LRRC37A3: variants seen among roughly 807,000 people sequenced by gnomAD.
LRRC37A3 encodes leucine-rich repeat-containing protein 37A3.
In LRRC37A3, 25 loss-of-function variants were observed where a neutral mutation model predicts 106.2. The observed-to-expected ratio is 0.24, with a 90% CI of 0.17 to 0.33. LRRC37A3 has a LOEUF of 0.33. LRRC37A3 is among the 10% of genes least tolerant of loss of function. The probability of loss-of-function intolerance (pLI) is 1.00; values close to 1 mark genes in which losing one functional copy is unlikely to be tolerated. For synonymous variants in LRRC37A3, 305 were observed against 635.8 expected (o/e 0.48, Z 7.83); for missense variants, 712 against 1,644.9 (o/e 0.43, Z 9.81).
chr17:64,865,922 T>C (rs1174851926), intron 10 of LRRC37A3, among the ~76,000 whole-genome samples: 1 of 152,188 alleles, frequency 6.6e-6, no homozygotes, highest in African/African-American at 2.4e-5. Context: ...TTTTAAAGTA[T>C]ACTGACAAAT....
intron 1 of LRRC37A3, 148 bp downstream of exon 1, chr17:64,919,283 G>A (rs1974777823): frequency 8.5e-6 from 7 of 819,820 alleles, no homozygotes; most frequent in Non-Finnish European, 6.5e-6. Flanking sequence ...GGAGGGAGAA[G>A]GGAAAGCGGC....
intron 2 of LRRC37A3, among the ~76,000 whole-genome samples, chr17:64,913,199 T>C (rs1974628213): frequency 6.6e-6 from 1 of 151,826 alleles, no homozygotes; most frequent in South Asian, 2.1e-4. Flanking sequence ...TGGCTAATTT[T>C]TGTATTTTTA....
chr17:64,903,952 A>G (rs1156313914), intron 2 of LRRC37A3, among the ~76,000 whole-genome samples: 1 of 151,988 alleles, frequency 6.6e-6, no homozygotes, highest in Non-Finnish European at 1.5e-5. Flanking sequence ...CGGCCTGACC[A>G]ACACAGTGAA....
chr17:64,857,323 A>T (rs2143357085), intron 13 of LRRC37A3, among the ~76,000 whole-genome samples: 1 of 152,378 alleles, frequency 6.6e-6, no homozygotes, highest in South Asian at 2.1e-4. Context: ...TTATCTAACA[A>T]AAGATGTGTA....
intron 14 of LRRC37A3, among the ~76,000 whole-genome samples, chr17:64,855,544 TA>T (rs1398139179): frequency 8.6e-5 from 13 of 150,478 alleles, no homozygotes; most frequent in Admixed American, 8.6e-4. Flanking sequence ...GGAGCCAGGC[TA>T]AGCATTAGGG....
At chr17:64,863,618 T>A (rs1972953992) in intron 10 of LRRC37A3, 1 of 153,584 alleles carries the variant, frequency 6.5e-6, no homozygotes, top group South Asian at 2.0e-4. Flanking sequence ...AATGAAATAA[T>A]GCCAGCTAGT....
intron 8 of LRRC37A3, among the ~76,000 whole-genome samples, chr17:64,879,922 T>A (rs866554836): frequency 1.3e-3 from 201 of 152,278 alleles, no homozygotes; most frequent in Middle Eastern, 6.8e-3. Flanking sequence ...ACACCAAAAA[T>A]AATGACTGTA....
chr17:64,870,530 T>G (rs1178945438), intron 8 of LRRC37A3, among the ~76,000 whole-genome samples: 1 of 151,984 alleles, frequency 6.6e-6, no homozygotes, highest in African/African-American at 2.4e-5. Context: ...TAATAATTAT[T>G]ACAGTGAGTA....
At chr17:64,913,106 G>C (rs1418722974) in intron 2 of LRRC37A3, among the ~76,000 whole-genome samples, 1 of 149,808 alleles carries the variant, frequency 6.7e-6, no homozygotes, top group Non-Finnish European at 1.5e-5. Context: ...TTGGCTTACT[G>C]CAACCTCTGC....
chr17:64,857,555 AC>A (rs541472935), intron 13 of LRRC37A3, among the ~76,000 whole-genome samples: 1,904 of 152,198 alleles, frequency 0.013, 32 homozygotes, highest in African/African-American at 0.044. Flanking sequence ...CAGTGGTACG[AC>A]CACAGCTCAC....
intron 2 of LRRC37A3, among the ~76,000 whole-genome samples, chr17:64,913,073 G>A (rs1239631913): frequency 1.3e-5 from 2 of 149,454 alleles, no homozygotes; most frequent in Non-Finnish European, 3.0e-5. Flanking sequence ...CTGTTACCCA[G>A]GCTAGAGTGC....
At chr17:64,866,607 TATATATATATATATATATA>T (rs1973094005) in intron 10 of LRRC37A3, among the ~76,000 whole-genome samples, 3 of 19,150 alleles carry the variant, frequency 1.6e-4, no homozygotes, top group African/African-American at 7.2e-4. Flanking sequence ...TATATATATA[TATATATATATATATATATA>T]TATTTTTTTT....
intron 8 of LRRC37A3, among the ~76,000 whole-genome samples, chr17:64,869,438 G>A (rs1265660108): frequency 6.6e-6 from 1 of 151,760 alleles, no homozygotes; most frequent in Non-Finnish European, 1.5e-5. Flanking sequence ...AACTTTTCAG[G>A]TCAAAAACCC....
Position 64,875,141 on chromosome 17 carries a change from G to T in LRRC37A3, c.2907-5975C>A, listed in dbSNP as rs192916287. 2.6e-5 allele frequency among the ~76,000 whole-genome samples: 4 copies of T among 152,126 alleles called. No homozygotes were observed. In the South Asian group the frequency reaches 8.3e-4, roughly 32 times the overall value. ...ACAACAACAAAAAAAACTGGGCATG[G>T]TGGTGCATGCCTGTAGTCTCAGCTA... is the stretch of plus-strand genomic sequence containing the variant. On this transcript the variant is annotated intron_variant, in intron 8 of 14. Transcript: ENST00000584306.
chr17:64,857,205 A>G (rs1972706779), intron 13 of LRRC37A3, among the ~76,000 whole-genome samples: 1 of 152,210 alleles, frequency 6.6e-6, no homozygotes, highest in South Asian at 2.1e-4. Context: ...AACCTCAAAT[A>G]CTTTTCCCAT....
At chr17:64,885,154 AG>A (rs1694109375) in intron 8 of LRRC37A3, among the ~76,000 whole-genome samples, 1 of 102,036 alleles carries the variant, frequency 9.8e-6, no homozygotes, top group African/African-American at 4.0e-5. Context: ...TCTTTACAAA[AG>A]TTTTTTTTTG....
chr17:64,866,620 ATATATATATTTTTTTT>A (rs1393227343), intron 10 of LRRC37A3, among the ~76,000 whole-genome samples: 3 of 24,980 alleles, frequency 1.2e-4, no homozygotes, highest in East Asian at 1.4e-3. Flanking sequence ...ATATATATAT[ATATATATATTTTTTTT>A]TTTTTTTTTT....
At chr17:64,869,271 A>G in intron 8 of LRRC37A3, 105 bp from the exon 9 acceptor site, 2 of 1,572,830 alleles carry the variant, frequency 1.3e-6, no homozygotes, top group Non-Finnish European at 1.7e-6. Flanking sequence ...TAAAAAAGAA[A>G]AAAATGTTTC....
intron 2 of LRRC37A3, among the ~76,000 whole-genome samples, chr17:64,908,856 A>AT (rs1208045864): frequency 7.0e-6 from 1 of 143,388 alleles, no homozygotes; most frequent in Non-Finnish European, 1.5e-5. Flanking sequence ...TGAGGTCAGG[A>AT]TTTAGAGACC....
Sources: allele counts gnomAD v4.1 joint callset (sites outside exome capture counted in the v4.1 genomes callset), GRCh38; gene constraint gnomAD v4.1.1; transcripts MANE v1.5; gene names NCBI Gene and HGNC (gene_info 2026-07-23, HGNC 2026-07-21).